Variants in PTK2B observed in about 807,000 individuals in gnomAD.
The protein encoded by PTK2B is protein tyrosine kinase 2 beta.
PTK2B carries 71 observed loss-of-function variants against 142.9 expected under a neutral mutation model. The observed-to-expected ratio is 0.50, with a 90% CI of 0.41 to 0.61. The LOEUF (loss-of-function observed/expected upper bound fraction) is 0.61. PTK2B is among the 20% of genes least tolerant of loss of function. The pLI, the probability that PTK2B is intolerant of heterozygous loss-of-function variation, is 0.00. For synonymous variants in PTK2B, 519 were observed against 503.4 expected (o/e 1.03, Z -0.42); for missense variants, 1,105 against 1,320.4 (o/e 0.84, Z 2.53).
At chr8:27,386,892 TA>T (rs1215964691) in intron 1 of PTK2B, among the ~76,000 whole-genome samples, 6 of 151,874 alleles carry the variant, frequency 4.0e-5, no homozygotes, top group Non-Finnish European at 7.4e-5. Context: ...TTTTTTTTTT[TA>T]ATCACCTACT....
At chr8:27,406,490 C>T (rs1480527354) in intron 2 of PTK2B, among the ~76,000 whole-genome samples, 5 of 152,084 alleles carry the variant, frequency 3.3e-5, no homozygotes, top group Non-Finnish European at 7.4e-5. Context: ...CATTTAAAAG[C>T]TTTAATTATG....
In PTK2B at chr8:27,385,363, A is replaced by G. The variant is rs151073627; in HGVS notation, c.-37-12185A>G. On this transcript the variant is annotated intron_variant, in intron 1 of 30. Coordinates refer to ENST00000346049, the MANE Select transcript of PTK2B (RefSeq NM_173176.3). ...GCAAAGGACCTCAAGGCACTGCCAG[A>G]CACTCTGGGCTCTTGGAGAACTGTT... Among the ~76,000 whole-genome samples, 1,289 of 152,326 alleles carry G rather than the reference A, an allele frequency of 8.5e-3. 4 individuals are homozygous for G. The highest frequency in any genetic ancestry group is 0.014 in the Non-Finnish European group (934 of 68,022).
At chr8:27,423,140 A>G (rs931241384) in intron 5 of PTK2B, among the ~76,000 whole-genome samples, 1 of 152,210 alleles carries the variant, frequency 6.6e-6, no homozygotes, top group Non-Finnish European at 1.5e-5. Flanking sequence ...CAGTCCAATG[A>G]TATCATTAGA....
At chr8:27,320,860 C>T (rs116244756), upstream of PTK2B, among the ~76,000 whole-genome samples, 277 of 151,924 alleles carry the variant, frequency 1.8e-3, no homozygotes, top group African/African-American at 5.9e-3. Flanking sequence ...TTAGGGATAG[C>T]GCTGAAAGTT....
chr8:27,442,877 A>G lies in PTK2B; in HGVS notation c.2042A>G (p.Asp681Gly). ...RFTELVCSLS[D>G]VYQMEKDIAM... Reference sequence around the variant, plus strand: ...TTATCTGACGTGACTCCCTGCAGTGACGTTTATCAGATGGAGAAGGACATT... The same window carrying G: ...TTATCTGACGTGACTCCCTGCAGTGGCGTTTATCAGATGGAGAAGGACATT... The change falls in exon 22 of 31, where the codon GAC (aspartate) becomes GGC (glycine). Residue 681 changes from aspartate to glycine, a missense_variant and splice_region_variant. By Grantham distance (94) the Asp-to-Gly change is moderately conservative. Coordinates refer to ENST00000346049, the MANE Select transcript of PTK2B (RefSeq NM_173176.3). 1 of 1,613,634 alleles carries G rather than the reference A, an allele frequency of 6.2e-7. No individual in the cohort carries two copies. Among genetic ancestry groups the G allele is most frequent in the Non-Finnish European group, 8.5e-7 (1 of 1,179,536 alleles).
intron 1 of PTK2B, among the ~76,000 whole-genome samples, chr8:27,355,816 G>C (rs1261698147): frequency 6.6e-6 from 1 of 152,194 alleles, no homozygotes; most frequent in Non-Finnish European, 1.5e-5. Context: ...AAGGTCAGGA[G>C]TTTGAGACCA....
intron 8 of PTK2B, 123 bp from the exon 9 acceptor site, chr8:27,431,275 G>A: frequency 6.4e-7 from 1 of 1,559,786 alleles, no homozygotes; most frequent in Non-Finnish European, 8.7e-7. Flanking sequence ...CAGGGTTTCG[G>A]TGAGAAGGAG....
At chr8:27,398,304 G>A (rs1808186830) in intron 2 of PTK2B, among the ~76,000 whole-genome samples, 3 of 152,180 alleles carry the variant, frequency 2.0e-5, no homozygotes, top group Admixed American at 2.0e-4. Flanking sequence ...GCCCTGCCTG[G>A]CAACACGTCC....
intron 2 of PTK2B, among the ~76,000 whole-genome samples, chr8:27,400,828 T>G (rs928600669): frequency 6.6e-6 from 1 of 151,998 alleles, no homozygotes; most frequent in Non-Finnish European, 1.5e-5. Context: ...GGAGAAAGAA[T>G]CTAGAGACAA....
At chr8:27,311,280 C>T (rs1294136161), upstream of PTK2B, 5 of 1,452,374 alleles carry the variant, frequency 3.4e-6, no homozygotes, top group African/African-American at 5.7e-5. Flanking sequence ...TGCTCCGGCC[C>T]CTCCCACCCG....
At chr8:27,434,445 C>G (rs141348495) in intron 12 of PTK2B, 68 bp from the exon 13 acceptor site, 1 of 1,509,212 alleles carries the variant, frequency 6.6e-7, no homozygotes, top group East Asian at 2.4e-5. Flanking sequence ...GAGGGCGGGC[C>G]GAGGCTGCCC....
At chr8:27,333,688 C>T (rs1232045304) in intron 1 of PTK2B, among the ~76,000 whole-genome samples, 1 of 152,142 alleles carries the variant, frequency 6.6e-6, no homozygotes, top group East Asian at 1.9e-4. Flanking sequence ...TGGCCGCTTC[C>T]CCCTGGGCCT....
intron 1 of PTK2B, 182 bp from the exon 2 acceptor site, chr8:27,397,366 C>G (rs1371487307): frequency 1.7e-6 from 1 of 577,516 alleles, no homozygotes; most frequent in East Asian, 2.9e-5. Flanking sequence ...TGCAACTTGC[C>G]CCTTTCTGCT....
At chr8:27,406,248 A>T (rs1484887103) in intron 2 of PTK2B, among the ~76,000 whole-genome samples, 1 of 137,874 alleles carries the variant, frequency 7.3e-6, no homozygotes. Flanking sequence ...GTCCAGAGTG[A>T]TCTCATCTTG....
At chr8:27,384,102 G>A (rs185570145) in intron 1 of PTK2B, among the ~76,000 whole-genome samples, 165 of 151,274 alleles carry the variant, frequency 1.1e-3, no homozygotes, top group African/African-American at 3.7e-3. Flanking sequence ...CTCCTGCCTC[G>A]GCCTCCCAAA....
chr8:27,377,021 T>G (rs1209202465), intron 1 of PTK2B, among the ~76,000 whole-genome samples: 1 of 152,128 alleles, frequency 6.6e-6, no homozygotes, highest in African/African-American at 2.4e-5. Context: ...CACTCCTGCG[T>G]TTAGAACCAG....
upstream of PTK2B, among the ~76,000 whole-genome samples, chr8:27,323,860 A>G (rs988542161): frequency 2.0e-5 from 3 of 152,238 alleles, no homozygotes; most frequent in African/African-American, 7.2e-5. Context: ...CTGAAAACTC[A>G]CCTTTCCCAG....
chr8:27,326,664 C>T (rs1803439273), intron 1 of PTK2B, among the ~76,000 whole-genome samples: 1 of 152,314 alleles, frequency 6.6e-6, no homozygotes, highest in African/African-American at 2.4e-5. Context: ...GTGGGATGCT[C>T]TCTGTTCACC....
chr8:27,353,172 G>A (rs114760945), intron 1 of PTK2B, among the ~76,000 whole-genome samples: 1,639 of 152,232 alleles, frequency 0.011, 41 homozygotes, highest in African/African-American at 0.037. Flanking sequence ...AATATTTAGC[G>A]TCCACTACAG....
Sources: gnomAD v4.1 joint callset for allele counts (sites outside exome capture counted in the v4.1 genomes callset) on GRCh38, gnomAD v4.1.1 for gene constraint, MANE v1.5 for transcripts, NCBI Gene and HGNC (gene_info 2026-07-23, HGNC 2026-07-21) for gene names.